ANXA6: variants seen among roughly 807,000 people sequenced by gnomAD.
The protein encoded by ANXA6 is 67 kDa calelectrin.
ANXA6 carries 71 observed loss-of-function variants against 95.4 expected under a neutral mutation model. The ratio of observed to expected loss-of-function variants is 0.74; its 90% CI spans 0.61 to 0.91. The LOEUF (loss-of-function observed/expected upper bound fraction) is 0.91, where lower values mean the gene tolerates loss of function less well. ANXA6 is among the 40% of genes least tolerant of loss of function. The pLI is 0.00. For missense variants in ANXA6, 830 were observed against 876.4 expected (o/e 0.95, Z 0.67); for synonymous variants, 289 against 315.9 (o/e 0.91, Z 0.90).
intron 3 of ANXA6, 35 bp downstream of exon 3, chr5:151,140,118 A>G (rs1765785748): frequency 1.2e-6 from 2 of 1,600,420 alleles, no homozygotes; most frequent in Non-Finnish European, 1.7e-6. Flanking sequence ...CTTTTGGGGG[A>G]TACCCCTCAA....
rs116370717 is a variant in ANXA6 at position 151,110,794 on chromosome 5, C to T, written c.1573-150G>A. ...AAGAGACCTGAGAGAACCCGGGATG[C>T]GAAAGGAAGGGGGGTAGGGACAAGA... On this transcript the variant is annotated intron_variant, in intron 20 of 25. Coordinates refer to ENST00000354546, the MANE Select transcript of ANXA6 (RefSeq NM_001155.5). The T allele has an allele frequency of 5.8e-3, 4,370 of 752,600 alleles. 132 individuals carry two copies. In the African/African-American group the frequency reaches 0.069, roughly 12 times the overall value. The allele number at this position is 752,600 out of a possible 1,614,324, so 46.6% of individuals were successfully genotyped here.
intron 1 of ANXA6, among the ~76,000 whole-genome samples, chr5:151,156,323 A>G (rs1051504418): frequency 1.3e-5 from 2 of 152,172 alleles, no homozygotes; most frequent in African/African-American, 4.8e-5. Flanking sequence ...AGCCTTAGAG[A>G]AAGGGCTTGC....
chr5:151,143,037 A>G (rs1195043236), intron 2 of ANXA6, among the ~76,000 whole-genome samples: 1 of 152,172 alleles, frequency 6.6e-6, no homozygotes, highest in East Asian at 1.9e-4. Flanking sequence ...CTCACTTGGA[A>G]TAAGAGAGGG....
intron 20 of ANXA6, among the ~76,000 whole-genome samples, chr5:151,116,729 C>T (rs368297041): frequency 1.1e-4 from 17 of 152,154 alleles, no homozygotes; most frequent in Admixed American, 6.5e-4. Flanking sequence ...GATAATAAAC[C>T]GAGGCCTTTA....
intron 17 of ANXA6, 109 bp downstream of exon 17, chr5:151,122,038 T>C: frequency 1.6e-6 from 1 of 616,782 alleles, no homozygotes; most frequent in Non-Finnish European, 2.7e-6. Flanking sequence ...GAACTGAGTA[T>C]GGGAGGAGTT....
At chr5:151,141,056 G>C (rs1050323501) in intron 2 of ANXA6, among the ~76,000 whole-genome samples, 28 of 152,386 alleles carry the variant, frequency 1.8e-4, no homozygotes, top group African/African-American at 6.5e-4. Flanking sequence ...GGCATCTGAG[G>C]ACAAGCTGGC....
chr5:151,134,288 T>A, intron 8 of ANXA6, 139 bp downstream of exon 8: 2 of 782,178 alleles, frequency 2.6e-6, no homozygotes, highest in South Asian at 2.9e-5. Context: ...AAAGCACCGG[T>A]ATACATGACA....
At chr5:151,103,461 C>G in intron 25 of ANXA6, 109 bp downstream of exon 25, 1 of 1,098,320 alleles carries the variant, frequency 9.1e-7, no homozygotes, top group Non-Finnish European at 1.3e-6. Flanking sequence ...CCTGGCTGTT[C>G]TAAGCGGTAA....
chr5:151,140,040 T>G (rs1228892482), intron 3 of ANXA6, 113 bp downstream of exon 3: 1 of 766,672 alleles, frequency 1.3e-6, no homozygotes, highest in Non-Finnish European at 2.0e-6. Context: ...ACCAAAAAAA[T>G]GAATAAGTGC....
chr5:151,106,186 T>A (rs1487656148), intron 23 of ANXA6, among the ~76,000 whole-genome samples: 1 of 152,034 alleles, frequency 6.6e-6, no homozygotes, highest in Non-Finnish European at 1.5e-5. Context: ...GCCTGCCTGG[T>A]TTCACCAACC....
At chr5:151,128,107 G>A (rs1454054688) in intron 13 of ANXA6, 74 bp downstream of exon 13, 8 of 1,296,544 alleles carry the variant, frequency 6.2e-6, no homozygotes, top group African/African-American at 1.5e-5. Context: ...CACCCATCAG[G>A]ATGCGAGCCA....
intron 1 of ANXA6, among the ~76,000 whole-genome samples, chr5:151,154,673 C>T (rs561426683): frequency 1.3e-5 from 2 of 152,338 alleles, no homozygotes; most frequent in African/African-American, 4.8e-5. Flanking sequence ...CGTGGGCACA[C>T]CCCCCAGCTT....
intron 24 of ANXA6, among the ~76,000 whole-genome samples, 195 bp downstream of exon 24, chr5:151,105,050 G>A (rs576969581): frequency 2.6e-5 from 4 of 152,294 alleles, no homozygotes; most frequent in South Asian, 2.1e-4. Flanking sequence ...CCTCCGGGGC[G>A]GGGGAAGGCG....
chr5:151,139,664 G>T (rs144662837), intron 3 of ANXA6, among the ~76,000 whole-genome samples: 22 of 152,290 alleles, frequency 1.4e-4, no homozygotes, highest in African/African-American at 5.3e-4. Context: ...TGCTCAGAAG[G>T]CCCCTGATCC....
chr5:151,136,350 G>T lies in ANXA6; in HGVS notation c.410-15C>A. On this transcript the variant is annotated splice_polypyrimidine_tract_variant and intron_variant, in intron 6 of 25. Coordinates refer to ENST00000354546, the MANE Select transcript of ANXA6 (RefSeq NM_001155.5). ...CCGCTCGTAGGCTGCAGAAAGGAACGCAAGCTCTAGTCTCATCCCCAGAGA... is the reference window on the plus strand; with the variant it reads ...CCGCTCGTAGGCTGCAGAAAGGAACTCAAGCTCTAGTCTCATCCCCAGAGA... 1 of 1,613,360 alleles carries T rather than the reference G, an allele frequency of 6.2e-7. No individual in the cohort carries two copies. Among genetic ancestry groups the T allele is most frequent in the East Asian group, 2.2e-5 (1 of 44,884 alleles).
intron 1 of ANXA6, among the ~76,000 whole-genome samples, chr5:151,148,158 A>C (rs1369890584): frequency 6.6e-6 from 1 of 151,750 alleles, no homozygotes; most frequent in Admixed American, 6.6e-5. Context: ...TCCCCAAGGG[A>C]GGGCGGGCAT....
chr5:151,144,878 G>A (rs1765934705), intron 2 of ANXA6, among the ~76,000 whole-genome samples: 1 of 151,992 alleles, frequency 6.6e-6, no homozygotes, highest in South Asian at 2.1e-4. Context: ...AAGGTGGGGG[G>A]CTTAGCACTA....
chr5:151,148,446 G>T (rs573162379), intron 1 of ANXA6, among the ~76,000 whole-genome samples: 1 of 152,136 alleles, frequency 6.6e-6, no homozygotes, highest in African/African-American at 2.4e-5. Flanking sequence ...GAGCTTGACC[G>T]CCTGCAGATA....
chr5:151,126,470 G>A lies in ANXA6; in HGVS notation c.988C>T (p.Gln330Ter). The A allele has an allele frequency of 6.2e-7, 1 of 1,609,646 alleles. No individual in the cohort carries two copies. Among genetic ancestry groups the A allele is most frequent in the African/African-American group, 1.3e-5 (1 of 74,908 alleles). The change falls in exon 14 of 26, where the codon CAG (glutamine) becomes TAG (stop). Residue 330 changes from glutamine to a stop codon, truncating the protein, a stop_gained. Coordinates refer to ENST00000354546, the MANE Select transcript of ANXA6 (RefSeq NM_001155.5). LOFTEE classifies it high-confidence loss of function. ...ACCTGCGCTGCCTCCGGGAAGAACT[G>A]GCCAGCAGCACTGGAATGGAGGGGT... ...LSGGDDDAAG[Q>*]FFPEAAQVAY...
Sources: gnomAD v4.1 joint callset for allele counts (sites outside exome capture counted in the v4.1 genomes callset) on GRCh38, gnomAD v4.1.1 for gene constraint, MANE v1.5 for transcripts, NCBI Gene and HGNC (gene_info 2026-07-23, HGNC 2026-07-21) for gene names.